FAM227A: variants seen among roughly 807,000 people sequenced by gnomAD.
FAM227A encodes protein FAM227A.
Under a neutral mutation model 74.7 loss-of-function variants are expected in FAM227A, and 80 were observed. The ratio of observed to expected loss-of-function variants is 1.07; its 90% confidence interval spans 0.89 to 1.29. The LOEUF is 1.29. Ranked by LOEUF, FAM227A falls within the 50% of genes most tolerant of loss-of-function variation. The probability of loss-of-function intolerance (pLI) is 0.00; values close to 1 mark genes in which losing one functional copy is unlikely to be tolerated. For synonymous variants in FAM227A, 237 were observed against 241.8 expected (o/e 0.98, Z 0.19); for missense variants, 654 against 683.4 (o/e 0.96, Z 0.48).
chr22:38,594,004 T>C (rs1369273815), intron 15 of FAM227A, among the ~76,000 whole-genome samples: 1 of 152,140 alleles, frequency 6.6e-6, no homozygotes, highest in Non-Finnish European at 1.5e-5. Context: ...CTACCTTATG[T>C]TTAAATAGCC....
intron 16 of FAM227A, among the ~76,000 whole-genome samples, chr22:38,588,927 C>CAAAAAAAA (rs781041691): frequency 1.6e-5 from 1 of 61,444 alleles, no homozygotes; most frequent in Non-Finnish European, 3.2e-5. Flanking sequence ...GACTCCATCT[C>CAAAAAAAA]AAAAAAAAAA....
chr22:38,585,990 C>G lies in FAM227A; in HGVS notation c.*135G>C, dbSNP rs1206965639. Reference sequence around the variant, plus strand: ...GCCTAGGAAAAACTACAACGGAATCCTTCCCCTATGGAGAAATCATGATTC... The same window carrying G: ...GCCTAGGAAAAACTACAACGGAATCGTTCCCCTATGGAGAAATCATGATTC... On this transcript the variant is annotated 3_prime_UTR_variant, in exon 17 of 17. Transcript: ENST00000535113. 1 of 1,524,678 alleles carries G rather than the reference C, an allele frequency of 6.6e-7. No individual in the cohort carries two copies. Among genetic ancestry groups the G allele is most frequent in the Non-Finnish European group, 8.8e-7 (1 of 1,133,542 alleles). The allele number at this position is 1,524,678 out of a possible 1,614,324, so 94.4% of individuals were successfully genotyped here.
intron 11 of FAM227A, among the ~76,000 whole-genome samples, chr22:38,608,024 A>G (rs1437430998): frequency 5.9e-5 from 9 of 152,062 alleles, no homozygotes; most frequent in African/African-American, 2.2e-4. Context: ...AGCATCCCCG[A>G]TTTGTTATAG....
At position 38,582,279 on chromosome 22, in the gene FAM227A, T is replaced by C. The variant is rs1729785304; in HGVS notation, c.*3846A>G. ...TCAGGAAACTGTATGTTCTAAAACA[T>C]ACATTTCATCATCAATTCATAAGCA... On this transcript the variant is annotated 3_prime_UTR_variant, in exon 17 of 17. Coordinates refer to ENST00000535113, the MANE Select transcript of FAM227A (RefSeq NM_001013647.2). 2 of 1,462,806 alleles carry C rather than the reference T, an allele frequency of 1.4e-6. No individual in the cohort carries two copies. The highest frequency in any genetic ancestry group is 4.9e-5 in the East Asian group (2 of 40,486). The allele number at this position is 1,462,806 out of a possible 1,614,324, so 90.6% of individuals were successfully genotyped here. A position where few individuals can be genotyped will look rare whatever the true frequency, so the allele number is the denominator to read the frequency against.
intron 11 of FAM227A, among the ~76,000 whole-genome samples, chr22:38,611,187 CT>C (rs1481695876): frequency 2.6e-5 from 4 of 152,208 alleles, no homozygotes; most frequent in Admixed American, 6.5e-5. Context: ...CTGAGACCCC[CT>C]GTCCCATCCC....
chr22:38,601,194 TG>T (rs2091169142), intron 13 of FAM227A, among the ~76,000 whole-genome samples: 1 of 152,010 alleles, frequency 6.6e-6, no homozygotes. Flanking sequence ...CATGATATGA[TG>T]AATACTAATA....
chr22:38,649,696 A>C (rs2092295401), intron 2 of FAM227A, among the ~76,000 whole-genome samples: 1 of 151,820 alleles, frequency 6.6e-6, no homozygotes, highest in Non-Finnish European at 1.5e-5. Context: ...GTGAAACCCC[A>C]TCTCTACTAA....
At chr22:38,600,334 A>T (rs886519507) in intron 13 of FAM227A, among the ~76,000 whole-genome samples, 1 of 149,870 alleles carries the variant, frequency 6.7e-6, no homozygotes, top group African/African-American at 2.5e-5. Flanking sequence ...ATATATATAT[A>T]ATTTTATTTT....
At chr22:38,637,551 G>GGCCC (rs2092031429) in intron 5 of FAM227A, among the ~76,000 whole-genome samples, 1 of 152,200 alleles carries the variant, frequency 6.6e-6, no homozygotes, top group African/African-American at 2.4e-5. Context: ...ACACCTGGAT[G>GGCCC]GCCCAGCTGA....
chr22:38,611,204 AGAG>A lies in FAM227A; in HGVS notation c.1039-3731_1039-3729del, dbSNP rs1367407713. Among the ~76,000 whole-genome samples, 5 of 152,316 alleles carry A rather than the reference AGAG, an allele frequency of 3.3e-5. No individual in the cohort carries two copies. The East Asian group carries it at 7.7e-4, about 23-fold the overall frequency. On this transcript the variant is annotated intron_variant, in intron 11 of 16. Transcript: ENST00000535113. ...GAGACCCCCTGTCCCATCCCAGCAT[AGAG>A]GAGATGGAAGTGTTCCAGCCCACCT...
At chr22:38,592,794 G>GT (rs1392979856) in intron 15 of FAM227A, among the ~76,000 whole-genome samples, 1 of 152,156 alleles carries the variant, frequency 6.6e-6, no homozygotes, top group Non-Finnish European at 1.5e-5. Context: ...AATTATAACT[G>GT]ATACAATTAC....
At position 38,578,361 on chromosome 22, in the gene FAM227A, G is replaced by T. The variant is rs890099967; in HGVS notation, c.*7764C>A. ...CTGCTGACTGAAACATCGTTACGTGGTGCATGACTGTGTGTATGTATACAC... is the reference window on the plus strand; with the variant it reads ...CTGCTGACTGAAACATCGTTACGTGTTGCATGACTGTGTGTATGTATACAC... On this transcript the variant is annotated 3_prime_UTR_variant, in exon 17 of 17. Transcript: ENST00000535113. 1 of 152,120 alleles carries T rather than the reference G, an allele frequency of 6.6e-6. No homozygotes were observed. The highest frequency in any genetic ancestry group is 1.5e-5 in the Non-Finnish European group (1 of 68,022). 9.4% of individuals were successfully genotyped at this position (152,120 alleles called of 1,614,324 possible).
chr22:38,632,123 T>C (rs1315497067), intron 6 of FAM227A, among the ~76,000 whole-genome samples: 6 of 152,078 alleles, frequency 3.9e-5, no homozygotes, highest in African/African-American at 1.4e-4. Context: ...TATGAGAGCC[T>C]GAGGGGCACT....
chr22:38,631,606 C>A (rs539022250), intron 6 of FAM227A, among the ~76,000 whole-genome samples: 1 of 152,200 alleles, frequency 6.6e-6, no homozygotes, highest in East Asian at 1.9e-4. Flanking sequence ...ACGGGGAAAG[C>A]GTGTGCAGAG....
intron 10 of FAM227A, among the ~76,000 whole-genome samples, chr22:38,620,804 G>A (rs879632058): frequency 5.6e-4 from 84 of 151,112 alleles, no homozygotes; most frequent in African/African-American, 1.9e-3. Flanking sequence ...ATGAGACTCC[G>A]TCTCAAGAAA....
chr22:38,613,125 AT>A (rs1284844442), intron 11 of FAM227A, among the ~76,000 whole-genome samples: 11 of 91,782 alleles, frequency 1.2e-4, no homozygotes, highest in South Asian at 2.7e-4. Context: ...ATTATATATA[AT>A]TATATATATA....
Position 38,580,417 on chromosome 22 carries a change from G to C in FAM227A, c.*5708C>G, listed in dbSNP as rs1201879276. ...TCTGTATTTCCTGTTATGGTGGTTG[G>C]ATCTAGAGTTCAGATCACATTCAAG... On this transcript the variant is annotated 3_prime_UTR_variant, in exon 17 of 17. Coordinates refer to ENST00000535113, the MANE Select transcript of FAM227A (RefSeq NM_001013647.2). The C allele has an allele frequency of 2.0e-5, 3 of 152,084 alleles. No individual in the cohort carries two copies. 9.4% of individuals were successfully genotyped at this position (152,084 alleles called of 1,614,324 possible).
chr22:38,597,841 A>T (rs576390764), intron 14 of FAM227A, among the ~76,000 whole-genome samples: 2 of 152,104 alleles, frequency 1.3e-5, no homozygotes, highest in African/African-American at 2.4e-5. Context: ...TAGGAGATTG[A>T]GACCATCCTG....
chr22:38,649,770 A>T (rs1366276873), intron 2 of FAM227A, among the ~76,000 whole-genome samples: 1 of 151,590 alleles, frequency 6.6e-6, no homozygotes, highest in East Asian at 1.9e-4. Flanking sequence ...CAGGAGGCTG[A>T]GGCAGGAGAA....
Sources: allele counts gnomAD v4.1 joint callset (sites outside exome capture counted in the v4.1 genomes callset), GRCh38; gene constraint gnomAD v4.1.1; transcripts MANE v1.5; gene names NCBI Gene and HGNC (gene_info 2026-07-23, HGNC 2026-07-21).